GULP1: variants seen among roughly 807,000 people sequenced by gnomAD.
The protein encoded by GULP1 is GULP PTB domain containing engulfment adaptor 1.
GULP1 carries 19 observed loss-of-function variants against 40.9 expected under a neutral mutation model. The observed-to-expected ratio is 0.46, with a 90% CI of 0.32 to 0.68. GULP1 has a LOEUF of 0.68. Among genes scored for constraint, GULP1 ranks in the 30% least tolerant of loss-of-function variants. The pLI, the probability that GULP1 is intolerant of heterozygous loss-of-function variation, is 0.03. For missense variants in GULP1, 312 were observed against 362.2 expected, an observed-to-expected ratio of 0.86 and a Z score of 1.12; for synonymous variants, 119 against 117.6, an observed-to-expected ratio of 1.01 and a Z score of -0.08.
At chr2:188,346,840 A>T (rs13018415) in intron 1 of GULP1, among the ~76,000 whole-genome samples, 2 of 151,382 alleles carry the variant, frequency 1.3e-5, no homozygotes, top group Non-Finnish European at 2.9e-5. Context: ...GCGTGGTGGC[A>T]GGCGCCTGTA....
At chr2:188,317,092 T>G (rs2106494537) in intron 1 of GULP1, among the ~76,000 whole-genome samples, 1 of 152,240 alleles carries the variant, frequency 6.6e-6, no homozygotes, top group African/African-American at 2.4e-5. Context: ...TCGGTTTTTA[T>G]CTCATAGACA....
intron 1 of GULP1, among the ~76,000 whole-genome samples, chr2:188,358,842 G>T (rs971446134): frequency 2.0e-5 from 3 of 151,966 alleles, no homozygotes; most frequent in African/African-American, 7.2e-5. Context: ...TTTAATTAAC[G>T]TTATTAACAT....
intron 2 of GULP1, among the ~76,000 whole-genome samples, chr2:188,405,277 T>C (rs1438693519): frequency 6.6e-6 from 1 of 152,138 alleles, no homozygotes; most frequent in African/African-American, 2.4e-5. Flanking sequence ...CCTGCACCCA[T>C]GATCTCAGCC....
intron 1 of GULP1, among the ~76,000 whole-genome samples, chr2:188,318,879 C>T (rs2039539449): frequency 6.6e-6 from 1 of 152,144 alleles, no homozygotes; most frequent in South Asian, 2.1e-4. Flanking sequence ...TGTACACTAC[C>T]ACCTCAATAG....
intron 7 of GULP1, among the ~76,000 whole-genome samples, chr2:188,555,436 T>C (rs1694501348): frequency 6.6e-6 from 1 of 152,192 alleles, no homozygotes; most frequent in South Asian, 2.1e-4. Context: ...AGTATTTACT[T>C]GTCTGAGAAA....
chr2:188,513,383 T>C (rs527372620), intron 4 of GULP1, among the ~76,000 whole-genome samples: 3 of 152,256 alleles, frequency 2.0e-5, no homozygotes, highest in South Asian at 4.1e-4. Flanking sequence ...TGTTTTAATC[T>C]CAAAGTTCAA....
chr2:188,495,507 A>C (rs900100573), intron 4 of GULP1, among the ~76,000 whole-genome samples: 1 of 152,076 alleles, frequency 6.6e-6, no homozygotes, highest in East Asian at 1.9e-4. Flanking sequence ...CAAACAAATA[A>C]TAGTGATTAA....
chr2:188,404,389 G>A (rs965543798), intron 2 of GULP1, among the ~76,000 whole-genome samples: 5 of 152,062 alleles, frequency 3.3e-5, no homozygotes, highest in African/African-American at 4.8e-5. Flanking sequence ...TACATTACCC[G>A]CATCACTCAT....
intron 5 of GULP1, among the ~76,000 whole-genome samples, chr2:188,527,198 G>T (rs1283903199): frequency 6.6e-6 from 1 of 151,960 alleles, no homozygotes; most frequent in Non-Finnish European, 1.5e-5. Flanking sequence ...TTTTGTTGTA[G>T]ATGTTTCAGG....
chr2:188,356,849 A>G (rs999442802), intron 1 of GULP1, among the ~76,000 whole-genome samples: 13 of 152,166 alleles, frequency 8.5e-5, no homozygotes, highest in Non-Finnish European at 1.9e-4. Context: ...TGGTACTGGC[A>G]TTAAAACAGA....
chr2:188,359,913 G>T (rs2045875668), intron 1 of GULP1, among the ~76,000 whole-genome samples: 1 of 152,098 alleles, frequency 6.6e-6, no homozygotes, highest in Non-Finnish European at 1.5e-5. Flanking sequence ...ACACAGAGAG[G>T]AAAGAATCAG....
intron 2 of GULP1, among the ~76,000 whole-genome samples, chr2:188,423,675 A>G (rs900585832): frequency 6.6e-6 from 1 of 151,826 alleles, no homozygotes; most frequent in Admixed American, 6.6e-5. Context: ...TTATGAATAT[A>G]AAGGGTTTAT....
At chr2:188,395,064 G>C (rs1392209726) in intron 2 of GULP1, among the ~76,000 whole-genome samples, 1 of 152,198 alleles carries the variant, frequency 6.6e-6, no homozygotes, top group African/African-American at 2.4e-5. Flanking sequence ...TGTGGCTAAA[G>C]CAGGTGGATA....
intron 1 of GULP1, among the ~76,000 whole-genome samples, chr2:188,321,439 C>T (rs1327237983): frequency 1.3e-5 from 2 of 151,946 alleles, no homozygotes; most frequent in African/African-American, 4.8e-5. Context: ...TACAATAGAC[C>T]TGATTTTTCC....
intron 2 of GULP1, among the ~76,000 whole-genome samples, chr2:188,423,660 G>A (rs187040153): frequency 2.1e-3 from 315 of 151,470 alleles, no homozygotes; most frequent in Non-Finnish European, 3.7e-3. Context: ...TCTAATTTTA[G>A]TAACTTATGA....
chr2:188,543,668 A>G (rs1691139325), intron 7 of GULP1, among the ~76,000 whole-genome samples: 1 of 152,180 alleles, frequency 6.6e-6, no homozygotes, highest in African/African-American at 2.4e-5. Flanking sequence ...TTAAAAAACC[A>G]AGACCAGAGA....
chr2:188,482,920 T>G (rs1180039023), intron 3 of GULP1, among the ~76,000 whole-genome samples: 1 of 151,788 alleles, frequency 6.6e-6, no homozygotes, highest in Non-Finnish European at 1.5e-5. Flanking sequence ...ATGAACACAG[T>G]AAGTTGGTTA....
At chr2:188,334,793 A>C (rs2152085437) in intron 1 of GULP1, among the ~76,000 whole-genome samples, 1 of 152,368 alleles carries the variant, frequency 6.6e-6, no homozygotes, top group South Asian at 2.1e-4. Flanking sequence ...AGGGGAATAA[A>C]AGATCATATT....
At chr2:188,450,503 T>C (rs1410663429) in intron 2 of GULP1, among the ~76,000 whole-genome samples, 1 of 152,062 alleles carries the variant, frequency 6.6e-6, no homozygotes, top group Non-Finnish European at 1.5e-5. Context: ...TCTTCAGTAT[T>C]AAAAAAGTAG....
Sources: gnomAD v4.1 joint callset for allele counts (sites outside exome capture counted in the v4.1 genomes callset) on GRCh38, gnomAD v4.1.1 for gene constraint, MANE v1.5 for transcripts, NCBI Gene and HGNC (gene_info 2026-07-23, HGNC 2026-07-21) for gene names.